MAP3K4: variants seen among roughly 807,000 people sequenced by gnomAD.
MAP3K4 encodes MAP three kinase 1.
In MAP3K4, 67 loss-of-function variants were observed where a neutral mutation model predicts 185.6. The ratio of observed to expected loss-of-function variants is 0.36; its 90% CI spans 0.30 to 0.44. MAP3K4 has a LOEUF of 0.44. Among genes scored for constraint, MAP3K4 ranks in the 20% least tolerant of loss-of-function variants. The pLI is 1.00. For synonymous variants in MAP3K4, 702 were observed against 710.4 expected, an observed-to-expected ratio of 0.99 and a Z score of 0.19; for missense variants, 1,551 against 1,995.1, an observed-to-expected ratio of 0.78 and a Z score of 4.24.
At chr6:161,015,070 CAT>C (rs1782026735) in intron 1 of MAP3K4, among the ~76,000 whole-genome samples, 2 of 152,190 alleles carry the variant, frequency 1.3e-5, no homozygotes, top group African/African-American at 4.8e-5. Context: ...CAAGTTTTGT[CAT>C]AGTATAAATT....
chr6:161,013,025 A>G (rs1335191177), intron 1 of MAP3K4, among the ~76,000 whole-genome samples: 1 of 152,202 alleles, frequency 6.6e-6, no homozygotes, highest in African/African-American at 2.4e-5. Flanking sequence ...GGCTGCTCTC[A>G]AAAGAATTTC....
At chr6:161,039,062 G>C (rs1241309690) in intron 2 of MAP3K4, among the ~76,000 whole-genome samples, 2 of 152,092 alleles carry the variant, frequency 1.3e-5, no homozygotes, top group Non-Finnish European at 2.9e-5. Flanking sequence ...TAGCTTCCGC[G>C]GTTGTGCAGT....
chr6:161,031,113 T>C lies in MAP3K4; in HGVS notation c.153-3146T>C, dbSNP rs144233396. Among the ~76,000 whole-genome samples the C allele has an allele frequency of 8.0e-3, 1,213 of 152,366 alleles. 15 individuals carry two copies. The highest frequency in any genetic ancestry group is 0.027 in the African/African-American group (1,132 of 41,588). ...GATTTTTAAATGTTTACTGCTAGAA[T>C]AATTAGATAATTTAGAAATACTTTG... On this transcript the variant is annotated intron_variant, in intron 1 of 26. Transcript: ENST00000392142.
Position 161,088,036 on chromosome 6 carries a change from G to A in MAP3K4, c.2823+82G>A. ...GAACTGTTAGCTGCTCATGAATGAGGGGTTTGACTACCCTAGTAATCACAA... is the reference window on the plus strand; with the variant it reads ...GAACTGTTAGCTGCTCATGAATGAGAGGTTTGACTACCCTAGTAATCACAA... On this transcript the variant is annotated intron_variant, in intron 10 of 26. Coordinates refer to ENST00000392142, the MANE Select transcript of MAP3K4 (RefSeq NM_005922.4). This position sits in a 1 kb window ranked among gnomAD's most constrained non-coding sequence, Gnocchi z 4.5. The A allele has an allele frequency of 7.1e-7, 1 of 1,409,340 alleles. No individual in the cohort carries two copies. Among genetic ancestry groups the A allele is most frequent in the Non-Finnish European group, 9.5e-7 (1 of 1,047,256 alleles). 87.3% of individuals were successfully genotyped at this position (1,409,340 alleles called of 1,614,324 possible).
Position 161,007,035 on chromosome 6 carries a change from A to G in MAP3K4, c.152+14952A>G, listed in dbSNP as rs1781620867. ...AAGTAACCAGCAACAGAAATAAAGC[A>G]AATCTCAGAGTAAAAATCAGTTCCT... is the stretch of plus-strand genomic sequence containing the variant. On this transcript the variant is annotated intron_variant, in intron 1 of 26. Coordinates refer to ENST00000392142, the MANE Select transcript of MAP3K4 (RefSeq NM_005922.4). The surrounding 1 kb of genome is among the most constrained non-coding windows in gnomAD (Gnocchi z 4.5). Among the ~76,000 whole-genome samples the G allele has an allele frequency of 6.6e-6, 1 of 152,222 alleles. No individual in the cohort carries two copies.
chr6:161,049,132 C>A lies in MAP3K4; in HGVS notation c.860C>A (p.Ala287Asp), dbSNP rs745923736. The change falls in exon 3 of 27, where the codon GCC (alanine) becomes GAC (aspartate). Residue 287 changes from alanine to aspartate, a missense_variant. Around this residue, in one of 16 missense-constraint regions of MAP3K4, gnomAD observed 69 missense variants for 124.8 expected, o/e 0.55. Coordinates refer to ENST00000392142, the MANE Select transcript of MAP3K4 (RefSeq NM_005922.4). This position sits in a 1 kb window ranked among gnomAD's most constrained non-coding sequence, Gnocchi z 8.4. ...GACCAGGACTTCTTTTTATATACAG[C>A]CCGTCAAGCCATCCCAGATATTATT... ...INDQDFFLYTARQAIPDIINE... is the reference protein window; with the variant it reads ...INDQDFFLYTDRQAIPDIINE... 6.2e-7 allele frequency: 1 copy of A among 1,614,126 alleles called. No homozygotes were observed. Among genetic ancestry groups the A allele is most frequent in the Admixed American group, 1.7e-5 (1 of 60,026 alleles).
intron 1 of MAP3K4, among the ~76,000 whole-genome samples, chr6:161,004,867 G>A (rs1048615947): frequency 4.6e-5 from 7 of 152,170 alleles, no homozygotes; most frequent in Admixed American, 1.3e-4. Flanking sequence ...TGCAGATAAT[G>A]TAGAAAAGTA....
At position 161,073,673 on chromosome 6, in the gene MAP3K4, G is replaced by A; in HGVS notation, c.2097+61G>A. The A allele has an allele frequency of 6.4e-7, 1 of 1,554,044 alleles. No individual in the cohort carries two copies. The highest frequency in any genetic ancestry group is 1.4e-5 in the African/African-American group (1 of 72,618). On this transcript the variant is annotated intron_variant, in intron 5 of 26. Transcript: ENST00000392142. The surrounding 1 kb of genome is among the most constrained non-coding windows in gnomAD (Gnocchi z 4.2). ...TTTGTTTCTTTTTTTAAAAAAGTAA[G>A]CCTGTATTTCCTTGTTTTGCAAACA...
intron 7 of MAP3K4, among the ~76,000 whole-genome samples, chr6:161,085,254 A>C (rs1785651880): frequency 6.6e-6 from 1 of 152,116 alleles, no homozygotes; most frequent in South Asian, 2.1e-4. Context: ...TTCTGTTCTT[A>C]AAAAATCTGT....
Position 161,101,246 on chromosome 6 carries a change from T to A in MAP3K4, c.3675-646T>A, listed in dbSNP as rs1193700542. 2.6e-5 allele frequency: 4 copies of A among 152,234 alleles called. No homozygotes were observed. The highest frequency in any genetic ancestry group is 6.5e-5 in the Admixed American group (1 of 15,288). The allele number at this position is 152,234 out of a possible 1,614,324, so 9.4% of individuals were successfully genotyped here. On this transcript the variant is annotated intron_variant, in intron 17 of 26. Coordinates refer to ENST00000392142, the MANE Select transcript of MAP3K4 (RefSeq NM_005922.4). The surrounding 1 kb of genome is among the most constrained non-coding windows in gnomAD (Gnocchi z 5.1). Reference sequence around the variant, plus strand: ...GAAAAGCACCTCATTAACTTTGTTCTTTAATATATTAAGCTTCCTGCTCTT... The same window carrying A: ...GAAAAGCACCTCATTAACTTTGTTCATTAATATATTAAGCTTCCTGCTCTT...
intron 1 of MAP3K4, among the ~76,000 whole-genome samples, chr6:161,031,033 G>A (rs1267308267): frequency 6.6e-6 from 1 of 152,116 alleles, no homozygotes; most frequent in African/African-American, 2.4e-5. Flanking sequence ...AATATACTGT[G>A]TTTTGTCTTA....
At chr6:161,031,764 G>T (rs79877000) in intron 1 of MAP3K4, among the ~76,000 whole-genome samples, 3,609 of 152,088 alleles carry the variant, frequency 0.024, 139 homozygotes, top group African/African-American at 0.081. Context: ...TCCTGAAATG[G>T]TTAGAATGTA....
rs1784771891 is a variant in MAP3K4 at position 161,067,735 on chromosome 6, CAAG to C, written c.1708-2870_1708-2868del. ...GACTAAACGTCTGTGTTTTAAGAGA[CAAG>C]AATTTTTTCCTTTCAGACGTTTAAT... On this transcript the variant is annotated intron_variant, in intron 3 of 26. Coordinates refer to ENST00000392142, the MANE Select transcript of MAP3K4 (RefSeq NM_005922.4). This position sits in a 1 kb window ranked among gnomAD's most constrained non-coding sequence, Gnocchi z 6.3. Among the ~76,000 whole-genome samples, 1 of 152,160 alleles carries C rather than the reference CAAG, an allele frequency of 6.6e-6. No individual in the cohort carries two copies. The highest frequency in any genetic ancestry group is 2.4e-5 in the African/African-American group (1 of 41,436).
rs1367546687 is a variant in MAP3K4, at chr6:160,992,003, GCCGCCGCCA to G, written c.81_89del (p.Pro34_Pro36del). The G allele has an allele frequency of 1.2e-5, 18 of 1,543,510 alleles. No homozygotes were observed. The highest frequency in any genetic ancestry group is 2.8e-5 in the African/African-American group (2 of 70,842). On this transcript the variant is annotated inframe_deletion, in exon 1 of 27. Coordinates refer to ENST00000392142, the MANE Select transcript of MAP3K4 (RefSeq NM_005922.4). ...TCACGCCTGCCGCCGCCATGGAGGA[GCCGCCGCCA>G]CCGCCGCCGCCGCCACCACCGCCAC...
intron 3 of MAP3K4, among the ~76,000 whole-genome samples, chr6:161,060,916 G>A (rs1038845335): frequency 1.1e-4 from 17 of 152,048 alleles, no homozygotes; most frequent in Admixed American, 5.9e-4. Flanking sequence ...CACCGCGCCC[G>A]GCCACTGAGA....
chr6:161,084,310 AG>A lies in MAP3K4; in HGVS notation c.2256-189del, dbSNP rs1785592964. ...GATACTGTGGTAGTAGAACAAAGGT[AG>A]GTACATGTCATAATCCAGATTCCTA... On this transcript the variant is annotated intron_variant, in intron 6 of 26. Coordinates refer to ENST00000392142, the MANE Select transcript of MAP3K4 (RefSeq NM_005922.4). The surrounding 1 kb of genome is among the most constrained non-coding windows in gnomAD (Gnocchi z 4.6). Among the ~76,000 whole-genome samples, 1 of 152,242 alleles carries A rather than the reference AG, an allele frequency of 6.6e-6. No homozygotes were observed. Among genetic ancestry groups the A allele is most frequent in the Non-Finnish European group, 1.5e-5 (1 of 68,044 alleles).
chr6:161,036,040 G>A (rs535179618), intron 2 of MAP3K4, among the ~76,000 whole-genome samples: 105 of 152,220 alleles, frequency 6.9e-4, no homozygotes, highest in African/African-American at 2.4e-3. Context: ...ACGCTTATCC[G>A]AAGGCAATAT....
intron 2 of MAP3K4, among the ~76,000 whole-genome samples, chr6:161,039,522 G>C (rs1446148151): frequency 6.6e-6 from 1 of 152,142 alleles, no homozygotes; most frequent in East Asian, 1.9e-4. Flanking sequence ...TTCAGATCTT[G>C]AGAAAATTGA....
rs869291208 is a variant in MAP3K4, at chr6:161,080,698, T to TA, written c.2098-177dup. On this transcript the variant is annotated intron_variant, in intron 5 of 26. Transcript: ENST00000392142. The surrounding 1 kb of genome is among the most constrained non-coding windows in gnomAD (Gnocchi z 4.8). ...CTGGGGAGTTAGTTTTGTGATTTTT[T>TA]AAAAAATCCTCATTTAGACCTCAGC... 2 of 552,030 alleles carry TA rather than the reference T, an allele frequency of 3.6e-6. No homozygotes were observed. The highest frequency in any genetic ancestry group is 2.3e-5 in the South Asian group (1 of 44,028). The allele number at this position is 552,030 out of a possible 1,614,324, so 34.2% of individuals were successfully genotyped here. A position where few individuals can be genotyped will look rare whatever the true frequency, so the allele number is the denominator to read the frequency against.
Sources: gnomAD v4.1 joint callset for allele counts (sites outside exome capture counted in the v4.1 genomes callset) on GRCh38, gnomAD v4.1.1 for gene constraint, gnomAD v4.1.1 regional missense constraint, Gnocchi (gnomAD v3.1) non-coding constraint, MANE v1.5 for transcripts, NCBI Gene and HGNC (gene_info 2026-07-23, HGNC 2026-07-21) for gene names.